Variants in ABCB1 observed in about 807,000 individuals in gnomAD.
The protein encoded by ABCB1 is ATP-dependent translocase ABCB1.
A neutral mutation model predicts 142.0 loss-of-function variants in ABCB1; 69 were observed. The observed-to-expected ratio is 0.49, with a 90% confidence interval of 0.40 to 0.59. ABCB1 has a LOEUF of 0.59. ABCB1 is among the 20% of genes least tolerant of loss of function. The pLI, the probability that ABCB1 is intolerant of heterozygous loss-of-function variation, is 0.00. For synonymous variants in ABCB1, 532 were observed against 539.2 expected (o/e 0.99, Z 0.18); for missense variants, 1,326 against 1,554.7 (o/e 0.85, Z 2.47).
At chr7:87,518,765 T>G (rs973141145) in intron 23 of ABCB1, 3 of 152,854 alleles carry the variant, frequency 2.0e-5, no homozygotes, top group Non-Finnish European at 4.4e-5. Context: ...GTAGTATAAT[T>G]GCTTCAGGCT....
At chr7:87,661,038 C>A (rs988881086) in intron 1 of ABCB1, among the ~76,000 whole-genome samples, 1 of 151,704 alleles carries the variant, frequency 6.6e-6, no homozygotes, top group Non-Finnish European at 1.5e-5. Flanking sequence ...TATCTTTTTT[C>A]AAATGTTATT....
intron 1 of ABCB1, among the ~76,000 whole-genome samples, chr7:87,651,354 A>T (rs1823551825): frequency 6.6e-6 from 1 of 152,136 alleles, no homozygotes. Context: ...AAAAAGAGGT[A>T]TGTAAGAGAC....
At chr7:87,649,219 CAT>C (rs1276309950) in intron 1 of ABCB1, among the ~76,000 whole-genome samples, 1 of 152,142 alleles carries the variant, frequency 6.6e-6, no homozygotes, top group Non-Finnish European at 1.5e-5. Flanking sequence ...TGAATCTACA[CAT>C]GTTAAAACCC....
rs1162562260 is a variant in ABCB1 at position 87,561,272 on chromosome 7, T to C, written c.818A>G (p.Glu273Gly). 2 of 1,613,806 alleles carry C rather than the reference T, an allele frequency of 1.2e-6. No individual in the cohort carries two copies. Among genetic ancestry groups the C allele is most frequent in the African/African-American group, 2.7e-5 (2 of 74,916 alleles). Reference sequence around the variant, plus strand: ...AAAAAGAAACTCAAACCTTTCAAGTTCTTTCTTTTGTCCTCCAAATGCAAT... The same window carrying C: ...AAAAAGAAACTCAAACCTTTCAAGTCCTTTCTTTTGTCCTCCAAATGCAAT... ...TVIAFGGQKK[E>G]LERYNKNLEE... Residue 273 changes from glutamate to glycine, a missense_variant, in exon 8 of 28, where the codon GAA becomes GGA. Transcript: ENST00000622132.
chr7:87,700,555 G>T (rs781615567), intron 1 of ABCB1: 2 of 1,607,280 alleles, frequency 1.2e-6, no homozygotes. Context: ...TAGAGCTAAG[G>T]TAAGACATTG....
At chr7:87,638,713 A>G (rs1822096177) in intron 1 of ABCB1, among the ~76,000 whole-genome samples, 1 of 151,592 alleles carries the variant, frequency 6.6e-6, no homozygotes, top group South Asian at 2.1e-4. Context: ...TGATATTATA[A>G]TCTCCATTTT....
intron 8 of ABCB1, among the ~76,000 whole-genome samples, chr7:87,558,306 T>C (rs1260430976): frequency 6.6e-6 from 1 of 152,230 alleles, no homozygotes; most frequent in East Asian, 1.9e-4. Flanking sequence ...GATGGATTCA[T>C]TCTGAATGGA....
At chr7:87,631,622 T>C (rs1180611413) in intron 1 of ABCB1, among the ~76,000 whole-genome samples, 1 of 152,206 alleles carries the variant, frequency 6.6e-6, no homozygotes, top group Non-Finnish European at 1.5e-5. Flanking sequence ...CTCGATCTGC[T>C]GACCTCGTGA....
intron 4 of ABCB1, among the ~76,000 whole-genome samples, chr7:87,580,239 G>A (rs1818453132): frequency 6.6e-6 from 1 of 152,138 alleles, no homozygotes; most frequent in African/African-American, 2.4e-5. Flanking sequence ...CAGGTCTGGT[G>A]TTGAATAAAT....
At chr7:87,712,302 A>G (rs968099320) in intron 1 of ABCB1, among the ~76,000 whole-genome samples, 1 of 152,138 alleles carries the variant, frequency 6.6e-6, no homozygotes, top group Non-Finnish European at 1.5e-5. Context: ...AACCTTAGAC[A>G]TTTGAAATGA....
At chr7:87,675,653 C>CAAAAAAAAAAAAAAAAAAAGA (rs1826268571) in intron 1 of ABCB1, among the ~76,000 whole-genome samples, 2 of 65,848 alleles carry the variant, frequency 3.0e-5, no homozygotes. Flanking sequence ...TATTCACATG[C>CAAAAAAAAAAAAAAAAAAAGA]AAAAAAAAAA....
At chr7:87,596,568 G>A (rs962747277) in intron 2 of ABCB1, among the ~76,000 whole-genome samples, 2 of 152,006 alleles carry the variant, frequency 1.3e-5, no homozygotes, top group African/African-American at 4.8e-5. Flanking sequence ...CCTAGGATGT[G>A]AAAGCAAACC....
chr7:87,634,481 TGGTGGTG>T (rs1419230018), intron 1 of ABCB1, among the ~76,000 whole-genome samples: 3 of 3,680 alleles, frequency 8.2e-4, no homozygotes, highest in African/African-American at 2.1e-3. Flanking sequence ...CAGTCAGGCG[TGGTGGTG>T]GGGGGTGGGG....
chr7:87,536,400 C>T, intron 20 of ABCB1, 58 bp downstream of exon 20: 1 of 1,528,962 alleles, frequency 6.5e-7, no homozygotes, highest in Non-Finnish European at 9.1e-7. Flanking sequence ...AAATTAGTTT[C>T]ATGCTGGGGT....
intron 8 of ABCB1, among the ~76,000 whole-genome samples, chr7:87,560,050 A>G (rs1446257704): frequency 6.6e-6 from 1 of 152,186 alleles, no homozygotes; most frequent in Non-Finnish European, 1.5e-5. Context: ...TTCCCCAAAT[A>G]ATATTTACCC....
intron 1 of ABCB1, among the ~76,000 whole-genome samples, chr7:87,694,934 T>C (rs934427377): frequency 6.6e-6 from 1 of 152,190 alleles, no homozygotes; most frequent in African/African-American, 2.4e-5. Context: ...TTTAGATATT[T>C]GTATATGTTT....
At chr7:87,642,463 G>A (rs1432343732) in intron 1 of ABCB1, among the ~76,000 whole-genome samples, 2 of 152,074 alleles carry the variant, frequency 1.3e-5, no homozygotes, top group African/African-American at 2.4e-5. Context: ...CAAGGGATAT[G>A]TGATCCAAGT....
chr7:87,536,832 G>A (rs562656049), intron 19 of ABCB1, among the ~76,000 whole-genome samples: 2 of 152,286 alleles, frequency 1.3e-5, no homozygotes, highest in African/African-American at 2.4e-5. Flanking sequence ...TTAGATTCTA[G>A]AGATGGAAGG....
At chr7:87,590,940 T>C (rs970422432) in intron 3 of ABCB1, among the ~76,000 whole-genome samples, 8 of 152,166 alleles carry the variant, frequency 5.3e-5, no homozygotes, top group African/African-American at 1.4e-4. Flanking sequence ...CTTGACCAGG[T>C]GTGGTAGACA....
Sources: gnomAD v4.1 joint callset for allele counts (sites outside exome capture counted in the v4.1 genomes callset) on GRCh38, gnomAD v4.1.1 for gene constraint, MANE v1.5 for transcripts, NCBI Gene and HGNC (gene_info 2026-07-23, HGNC 2026-07-21) for gene names.